Variants in PEMT observed in about 807,000 individuals in gnomAD.
The protein encoded by PEMT is phosphatidylethanolamine N-methyltransferase.
A neutral mutation model predicts 27.4 loss-of-function variants in PEMT; 23 were observed. The ratio of observed to expected loss-of-function variants is 0.84; its 90% CI spans 0.60 to 1.19. PEMT has a LOEUF of 1.19. Among genes scored for constraint, PEMT ranks in the 50% most tolerant of loss-of-function variants. The probability of loss-of-function intolerance (pLI) is 0.00; values close to 1 mark genes in which losing one functional copy is unlikely to be tolerated. For missense variants in PEMT, 307 were observed against 310.1 expected, an observed-to-expected ratio of 0.99 and a Z score of 0.07; for synonymous variants, 137 against 139.1, an observed-to-expected ratio of 0.98 and a Z score of 0.11.
chr17:17,581,826 C>T (rs1231253405), intron 1 of PEMT, among the ~76,000 whole-genome samples: 1 of 152,118 alleles, frequency 6.6e-6, no homozygotes, highest in East Asian at 1.9e-4. Flanking sequence ...GCACCTGCTT[C>T]GCTGGAAAGA....
chr17:17,587,195 C>T lies in PEMT; in HGVS notation c.96+4336G>A, dbSNP rs1047076186. Among the ~76,000 whole-genome samples the T allele has an allele frequency of 1.1e-4, 17 of 151,958 alleles. 1 individual carries two copies. Among genetic ancestry groups the T allele is most frequent in the African/African-American group, 4.1e-4 (17 of 41,476 alleles). ...TAAAACTGAGAAACCTCCAGCCAGC[C>T]TGACCAAGAAAAAAAGAGAAAAGAC... On this transcript the variant is annotated intron_variant, in intron 1 of 6. Transcript: ENST00000255389.
intron 2 of PEMT, among the ~76,000 whole-genome samples, chr17:17,551,164 T>C (rs548527031): frequency 5.9e-5 from 9 of 152,202 alleles, no homozygotes; most frequent in Admixed American, 2.0e-4. Flanking sequence ...CCTCGACTGT[T>C]GATGAAGGAA....
At chr17:17,506,127 A>T in intron 6 of PEMT, 100 bp downstream of exon 6, 1 of 1,117,036 alleles carries the variant, frequency 9.0e-7, no homozygotes, top group Non-Finnish European at 1.3e-6. Context: ...GGCTGACGGC[A>T]GCCTGTCCTG....
rs77857768 is a variant in PEMT at position 17,522,370 on chromosome 17, C to T, written c.230G>A (p.Arg77His). ...NVVARWEHKT[R>H]KLSRAFGSPY... The stretch of plus-strand genomic sequence containing the variant: ...GGATCCGAAGGCCCTGCTCAGCTTG[C>T]GGGTCTTGTGTTCCCATCGTGCAAC... Residue 77 changes from arginine (R) to histidine (H), a missense_variant, in exon 3 of 7, where the codon CGC becomes CAC. Transcript: ENST00000255389. 4.5e-4 allele frequency: 727 copies of T among 1,603,452 alleles called. 8 individuals carry two copies. The East Asian group carries it at 0.014, about 31-fold the overall frequency.
At chr17:17,569,075 G>T (rs531498824) in intron 2 of PEMT, among the ~76,000 whole-genome samples, 1 of 152,354 alleles carries the variant, frequency 6.6e-6, no homozygotes, top group East Asian at 1.9e-4. Flanking sequence ...GTGGCCAACT[G>T]TCCTGTTCTG....
Position 17,589,127 on chromosome 17 carries a change from A to T in PEMT, c.96+2404T>A, listed in dbSNP as rs560045497. ...AGGCATGTGCCGCCACGCCTGGCTAACTTTTTATATTTTTAGTAGAGATGG... is the reference window on the plus strand; with the variant it reads ...AGGCATGTGCCGCCACGCCTGGCTATCTTTTTATATTTTTAGTAGAGATGG... On this transcript the variant is annotated intron_variant, in intron 1 of 6. Transcript: ENST00000255389. 2.0e-5 allele frequency among the ~76,000 whole-genome samples: 3 copies of T among 152,244 alleles called. No individual in the cohort carries two copies. The South Asian group carries it at 6.2e-4, about 32-fold the overall frequency.
intron 2 of PEMT, among the ~76,000 whole-genome samples, chr17:17,546,816 G>A (rs1414448313): frequency 6.6e-6 from 1 of 152,264 alleles, no homozygotes; most frequent in East Asian, 1.9e-4. Flanking sequence ...GAGTTTAGAT[G>A]ACAACCAAGG....
chr17:17,525,435 G>A (rs532952068), intron 2 of PEMT, among the ~76,000 whole-genome samples: 1 of 152,326 alleles, frequency 6.6e-6, no homozygotes, highest in Admixed American at 6.5e-5. Context: ...CAGCACCACC[G>A]TGTCCTCACT....
intron 2 of PEMT, chr17:17,570,766 G>C: frequency 1.0e-6 from 1 of 985,492 alleles, no homozygotes; most frequent in Non-Finnish European, 1.2e-6. Flanking sequence ...GGTGGCTAGA[G>C]AGGAGCAGTG....
chr17:17,577,173 C>T (rs1911659336), intron 1 of PEMT, 146 bp from the exon 2 acceptor site: 1 of 644,330 alleles, frequency 1.6e-6, no homozygotes, highest in South Asian at 1.8e-5. Context: ...AGTGTAGTCT[C>T]ATAAAAGGGA....
intron 1 of PEMT, among the ~76,000 whole-genome samples, chr17:17,588,423 C>A (rs1004475091): frequency 4.6e-5 from 7 of 152,186 alleles, no homozygotes; most frequent in African/African-American, 1.4e-4. Flanking sequence ...GGACCTGTGT[C>A]CCCTGCCCCA....
chr17:17,587,340 G>A (rs1162320380), intron 1 of PEMT, among the ~76,000 whole-genome samples: 5 of 151,998 alleles, frequency 3.3e-5, no homozygotes, highest in South Asian at 2.1e-4. Flanking sequence ...GAAATGAACC[G>A]ATCCTTGCAA....
intron 2 of PEMT, among the ~76,000 whole-genome samples, chr17:17,548,534 G>C (rs118023631): frequency 1.4e-4 from 22 of 152,292 alleles, no homozygotes; most frequent in African/African-American, 5.3e-4. Flanking sequence ...AGTCTGTGAC[G>C]GCTTCACGGT....
intron 2 of PEMT, among the ~76,000 whole-genome samples, chr17:17,528,114 A>T (rs1907822033): frequency 6.6e-6 from 1 of 152,236 alleles, no homozygotes; most frequent in African/African-American, 2.4e-5. Flanking sequence ...CCACGGAACC[A>T]CTGAAGGAGC....
chr17:17,513,363 G>A lies in PEMT; in HGVS notation c.321-709C>T, dbSNP rs965371466. On this transcript the variant is annotated intron_variant, in intron 3 of 6. Coordinates refer to ENST00000255389, the MANE Select transcript of PEMT (RefSeq NM_148172.3). This position sits in a 1 kb window ranked among gnomAD's most constrained non-coding sequence, Gnocchi z 4.1. ...TGCAATCCCAGCACTTTGGGAGGCC[G>A]AGGTGGGCGGGTCACCTGAGGTCAG... Among the ~76,000 whole-genome samples the A allele has an allele frequency of 5.9e-5, 9 of 152,168 alleles. No homozygotes were observed. The highest frequency in any genetic ancestry group is 3.2e-3 in the Middle Eastern group (1 of 316).
At chr17:17,525,351 G>A (rs4924768) in intron 2 of PEMT, among the ~76,000 whole-genome samples, 1,904 of 152,308 alleles carry the variant, frequency 0.013, 63 homozygotes, top group East Asian at 0.1. Flanking sequence ...ACTGGTATTC[G>A]ATGGGGCTGT....
chr17:17,518,055 A>G (rs1419147812), intron 3 of PEMT: 1 of 985,410 alleles, frequency 1.0e-6, no homozygotes, highest in African/African-American at 1.7e-5. Flanking sequence ...TGCCCGCCAC[A>G]CCAGAGCACA....
chr17:17,547,043 G>A (rs1341806795), intron 2 of PEMT, among the ~76,000 whole-genome samples: 1 of 152,244 alleles, frequency 6.6e-6, no homozygotes, highest in East Asian at 1.9e-4. Flanking sequence ...AGCTCCAGGC[G>A]TGCTCTCGAG....
chr17:17,524,761 T>C (rs1907548329), intron 2 of PEMT, among the ~76,000 whole-genome samples: 1 of 152,058 alleles, frequency 6.6e-6, no homozygotes, highest in African/African-American at 2.4e-5. Context: ...AAAAATTCTG[T>C]AGCCATCCTA....
Sources: allele counts gnomAD v4.1 joint callset (sites outside exome capture counted in the v4.1 genomes callset), GRCh38; gene constraint gnomAD v4.1.1; non-coding constraint Gnocchi (gnomAD v3.1); transcripts MANE v1.5; gene names NCBI Gene and HGNC (gene_info 2026-07-23, HGNC 2026-07-21).